STARD13: variants seen among roughly 807,000 people sequenced by gnomAD.
The protein encoded by STARD13 is stAR-related lipid transfer protein 13.
A neutral mutation model predicts 106.4 loss-of-function variants in STARD13; 62 were observed. That is an observed-to-expected ratio of 0.58 (90% confidence interval 0.48 to 0.72). The LOEUF (loss-of-function observed/expected upper bound fraction) is 0.72, where lower values mean the gene tolerates loss of function less well. STARD13 is among the 30% of genes least tolerant of loss of function. The pLI is 0.00. For synonymous variants in STARD13, 565 were observed against 553.0 expected, an observed-to-expected ratio of 1.02 and a Z score of -0.31; for missense variants, 1,387 against 1,424.0, an observed-to-expected ratio of 0.97 and a Z score of 0.42.
chr13:33,332,579 C>G (rs1281936882), intron 1 of STARD13, among the ~76,000 whole-genome samples: 1 of 152,108 alleles, frequency 6.6e-6, no homozygotes, highest in East Asian at 1.9e-4. Flanking sequence ...ATGCTGGCAC[C>G]CTGATCTCGG....
the STARD13 span, among the ~76,000 whole-genome samples, chr13:33,612,209 C>T: frequency 6.6e-6 from 1 of 152,186 alleles, no homozygotes; most frequent in Non-Finnish European, 1.5e-5. Context: ...TTCCAAGGGT[C>T]CCTGCCAGGG....
At position 33,291,102 on chromosome 13, in the gene STARD13, C is replaced by A. The variant is rs138969832; in HGVS notation, c.124+59188G>T. ...GAATATTAAACATTTTCTAATCCAA[C>A]CACTCAACTACTGCAGTAGTTAATT... On this transcript the variant is annotated intron_variant, in intron 1 of 5. Transcript: ENST00000567873. 3.8e-3 allele frequency among the ~76,000 whole-genome samples: 577 copies of A among 152,324 alleles called. 5 individuals carry two copies. Among genetic ancestry groups the A allele is most frequent in the African/African-American group, 0.013 (547 of 41,574 alleles).
the STARD13 span, chr13:33,520,252 G>C: frequency 6.6e-6 from 1 of 152,150 alleles, no homozygotes; most frequent in Non-Finnish European, 1.5e-5. Context: ...TCTGGTAGCT[G>C]GGGTGATTTC....
chr13:33,360,206 AT>A, the STARD13 span, among the ~76,000 whole-genome samples: 34,742 of 149,400 alleles, frequency 0.23, 5,583 homozygotes, highest in East Asian at 0.63. Flanking sequence ...AAGGCAGTCG[AT>A]TTTTTTTTTT....
the STARD13 span, among the ~76,000 whole-genome samples, chr13:33,542,162 T>C: frequency 1.3e-5 from 2 of 150,984 alleles, no homozygotes; most frequent in Non-Finnish European, 3.0e-5. Context: ...AGTCTATTTG[T>C]TTGCGTGCCT....
chr13:33,537,377 T>C, the STARD13 span, among the ~76,000 whole-genome samples: 3 of 152,236 alleles, frequency 2.0e-5, no homozygotes, highest in Non-Finnish European at 4.4e-5. Flanking sequence ...TTTGTATAAA[T>C]AATTTTAAAA....
exon 1 of STARD13, chr13:33,350,614 C>A (rs1259882465): frequency 7.2e-7 from 1 of 1,380,228 alleles, no homozygotes; most frequent in Non-Finnish European, 9.3e-7. Context: ...CCACCAGAAA[C>A]GCCGCGCTAG....
At chr13:33,173,201 T>C (rs1300264091) in intron 1 of STARD13, among the ~76,000 whole-genome samples, 1 of 152,232 alleles carries the variant, frequency 6.6e-6, no homozygotes, top group Non-Finnish European at 1.5e-5. Context: ...TGGCTTAGGA[T>C]AATTTATATG....
chr13:33,245,174 C>A (rs1384483045), intron 1 of STARD13, among the ~76,000 whole-genome samples: 1 of 152,200 alleles, frequency 6.6e-6, no homozygotes, highest in African/African-American at 2.4e-5. Flanking sequence ...TGGAAACTCA[C>A]CATCCTTTAC....
the STARD13 span, among the ~76,000 whole-genome samples, chr13:33,442,042 A>G: frequency 6.6e-6 from 1 of 152,258 alleles, no homozygotes; most frequent in Non-Finnish European, 1.5e-5. Context: ...AAGCAAATAT[A>G]TTTAATGACT....
At chr13:33,642,854 A>AAC in the STARD13 span, among the ~76,000 whole-genome samples, 1 of 151,818 alleles carries the variant, frequency 6.6e-6, no homozygotes, top group Non-Finnish European at 1.5e-5. Flanking sequence ...AAAAAAAAAA[A>AAC]AAAACCTCCC....
the STARD13 span, among the ~76,000 whole-genome samples, chr13:33,402,352 G>A: frequency 1.3e-5 from 2 of 152,208 alleles, no homozygotes; most frequent in African/African-American, 2.4e-5. Context: ...TTAGAGCACA[G>A]CATAAAAATT....
At chr13:33,462,454 G>C in the STARD13 span, among the ~76,000 whole-genome samples, 387 of 152,304 alleles carry the variant, frequency 2.5e-3, no homozygotes, top group African/African-American at 9.0e-3. Context: ...ATATGCAGGG[G>C]AGTTTGTTAA....
At chr13:33,349,963 C>T (rs1030909643) in intron 1 of STARD13, among the ~76,000 whole-genome samples, 24 of 152,346 alleles carry the variant, frequency 1.6e-4, no homozygotes, top group African/African-American at 5.3e-4. Flanking sequence ...AATGGGATGG[C>T]AGCGGAGCAG....
the STARD13 span, among the ~76,000 whole-genome samples, chr13:33,578,986 A>G: frequency 6.6e-6 from 1 of 152,116 alleles, no homozygotes; most frequent in Admixed American, 6.6e-5. Flanking sequence ...CATTGTTAAC[A>G]AGTCAAAAAA....
the STARD13 span, among the ~76,000 whole-genome samples, chr13:33,376,997 T>C: frequency 6.6e-6 from 1 of 152,222 alleles, no homozygotes; most frequent in Non-Finnish European, 1.5e-5. Flanking sequence ...TGGGGGTTGG[T>C]CAATAAGATG....
chr13:33,646,299 G>A, the STARD13 span, among the ~76,000 whole-genome samples: 1 of 152,228 alleles, frequency 6.6e-6, no homozygotes, highest in South Asian at 2.1e-4. Context: ...AACGCGACAT[G>A]GTAAAATAAA....
chr13:33,627,965 C>CTTTTTTTTT, the STARD13 span, among the ~76,000 whole-genome samples: 2 of 147,222 alleles, frequency 1.4e-5, no homozygotes, highest in African/African-American at 5.2e-5. Context: ...TCTTTTTTTT[C>CTTTTTTTTT]TTTCTTTTTT....
chr13:33,475,087 T>C, the STARD13 span, among the ~76,000 whole-genome samples: 29 of 152,304 alleles, frequency 1.9e-4, no homozygotes, highest in Non-Finnish European at 4.1e-4. Flanking sequence ...AAAATTATTT[T>C]TGATGCTCCT....
Sources: allele counts gnomAD v4.1 joint callset (sites outside exome capture counted in the v4.1 genomes callset), GRCh38; gene constraint gnomAD v4.1.1; transcripts MANE v1.5; gene names NCBI Gene and HGNC (gene_info 2026-07-23, HGNC 2026-07-21).